Variants in OR9Q1 observed in about 807,000 individuals in gnomAD.
The protein encoded by OR9Q1 is olfactory receptor 9Q1.
For synonymous variants in OR9Q1, 153 were observed against 148.6 expected (o/e 1.03, Z -0.22); for missense variants, 374 against 378.8 (o/e 0.99, Z 0.11).
intron 2 of OR9Q1, chr11:58,118,673 T>A (rs144935447): frequency 1.2e-6 from 2 of 1,613,978 alleles, no homozygotes; most frequent in Middle Eastern, 1.7e-4. Context: ...TGCAGATACA[T>A]GAAGATAAGG....
At chr11:58,027,754 G>A (rs921133) in intron 1 of OR9Q1, among the ~76,000 whole-genome samples, 44,358 of 151,952 alleles carry the variant, frequency 0.29, 6,881 homozygotes, top group East Asian at 0.63. Context: ...AAAAGCCGTC[G>A]GCTGTCCCTC....
chr11:58,031,609 T>C (rs1853039846), intron 1 of OR9Q1: 1 of 1,613,428 alleles, frequency 6.2e-7, no homozygotes, highest in African/African-American at 1.3e-5. Flanking sequence ...TGGTCATTGC[T>C]GTGTCCTATG....
At chr11:58,118,680 A>T in intron 2 of OR9Q1, 1 of 1,614,062 alleles carries the variant, frequency 6.2e-7, no homozygotes, top group South Asian at 1.1e-5. Flanking sequence ...ACATGAAGAT[A>T]AGGGCTCCAA....
chr11:58,109,345 A>G (rs1005849313), intron 2 of OR9Q1: 4 of 459,982 alleles, frequency 8.7e-6, no homozygotes, highest in East Asian at 6.9e-5. Context: ...GCCTGCACAT[A>G]TGGTGAAGAA....
chr11:58,153,229 T>C (rs1854371485), intron 2 of OR9Q1, among the ~76,000 whole-genome samples: 2 of 152,244 alleles, frequency 1.3e-5, no homozygotes, highest in African/African-American at 2.4e-5. Context: ...ATGCTTACTT[T>C]GGAAAAAATT....
At chr11:58,140,746 C>T (rs1437101037) in intron 2 of OR9Q1, among the ~76,000 whole-genome samples, 1 of 152,096 alleles carries the variant, frequency 6.6e-6, no homozygotes, top group Non-Finnish European at 1.5e-5. Context: ...GTTCTTTTGG[C>T]TTAGGATTGA....
chr11:58,055,964 T>A lies in OR9Q1; in HGVS notation c.-15+17T>A, dbSNP rs1228426099. 1.3e-5 allele frequency: 2 copies of A among 152,426 alleles called. No homozygotes were observed. Among genetic ancestry groups the A allele is most frequent in the Non-Finnish European group, 2.9e-5 (2 of 68,246 alleles). The allele number at this position is 152,426 out of a possible 1,614,324, so 9.4% of individuals were successfully genotyped here. A position where few individuals can be genotyped will look rare whatever the true frequency, so the allele number is the denominator to read the frequency against. On this transcript the variant is annotated intron_variant, in intron 2 of 2. Transcript: ENST00000335397. The stretch of plus-strand genomic sequence containing the variant: ...TCCTGAACTGTAAGCAATATATTTC[T>A]ATTATTTATAAGTTACCCAGTCTGT...
At chr11:58,084,717 A>G (rs984940978) in intron 2 of OR9Q1, among the ~76,000 whole-genome samples, 5 of 151,930 alleles carry the variant, frequency 3.3e-5, no homozygotes, top group Admixed American at 6.6e-5. Context: ...TAGATGCAGA[A>G]AAAGCTTTCT....
At chr11:58,095,857 T>C (rs1344370065) in intron 2 of OR9Q1, among the ~76,000 whole-genome samples, 1 of 152,162 alleles carries the variant, frequency 6.6e-6, no homozygotes, top group East Asian at 1.9e-4. Context: ...AGATAAGATA[T>C]GATTGATTTG....
intron 2 of OR9Q1, among the ~76,000 whole-genome samples, chr11:58,175,269 A>G (rs1245743742): frequency 6.6e-6 from 1 of 152,144 alleles, no homozygotes; most frequent in Non-Finnish European, 1.5e-5. Flanking sequence ...AAAGCAGTGG[A>G]GTCAGATGGT....
chr11:58,084,037 A>G (rs1189450985), intron 2 of OR9Q1, among the ~76,000 whole-genome samples: 1 of 151,888 alleles, frequency 6.6e-6, no homozygotes, highest in Non-Finnish European at 1.5e-5. Context: ...GGATCTGTAG[A>G]TCGCTTTGGG....
chr11:58,068,182 C>CA (rs3035014), intron 2 of OR9Q1, among the ~76,000 whole-genome samples: 119 of 145,852 alleles, frequency 8.2e-4, no homozygotes, highest in African/African-American at 2.9e-3. Context: ...TACAAAAATA[C>CA]AAAAAAAAAA....
Position 58,180,386 on chromosome 11 carries a change from A to C in OR9Q1, c.*9A>C, listed in dbSNP as rs201253163. On this transcript the variant is annotated 3_prime_UTR_variant, in exon 3 of 3. Transcript: ENST00000335397. Reference sequence around the variant, plus strand: ...GAGCCAAGTTGTCCTAACCATCTCCAAACTTGGAAAATCCCGAGAACCACC... The same window carrying C: ...GAGCCAAGTTGTCCTAACCATCTCCCAACTTGGAAAATCCCGAGAACCACC... 2.3e-4 allele frequency: 349 copies of C among 1,538,144 alleles called. 2 individuals carry two copies. In the African/African-American group the frequency reaches 4.0e-3, roughly 18 times the overall value.
At chr11:58,135,984 A>C (rs1035569670) in intron 2 of OR9Q1, among the ~76,000 whole-genome samples, 1 of 152,208 alleles carries the variant, frequency 6.6e-6, no homozygotes, top group Non-Finnish European at 1.5e-5. Flanking sequence ...TCGCTGCCTG[A>C]AGACGACAGA....
chr11:58,084,112 T>C (rs1222409951), intron 2 of OR9Q1, among the ~76,000 whole-genome samples: 1 of 151,954 alleles, frequency 6.6e-6, no homozygotes, highest in Non-Finnish European at 1.5e-5. Flanking sequence ...TTTCCATTTA[T>C]TTGTGTCATC....
intron 2 of OR9Q1, chr11:58,109,368 A>T (rs1453602646): frequency 2.2e-6 from 1 of 458,956 alleles, no homozygotes; most frequent in Non-Finnish European, 4.4e-6. Context: ...AGAACTGCAC[A>T]GCACGGCAGC....
rs540892102 is a variant in OR9Q1 at position 58,094,275 on chromosome 11, C to T, written c.-15+38328C>T. 2.6e-5 allele frequency among the ~76,000 whole-genome samples: 4 copies of T among 152,200 alleles called. No homozygotes were observed. The South Asian group carries it at 6.2e-4, about 24-fold the overall frequency. On this transcript the variant is annotated intron_variant, in intron 2 of 2. Transcript: ENST00000335397. ...TAGACATAGACTGTGGAATGATAGACATTGAGGACTTGGAAGGGTGGGTGT... is the reference window on the plus strand; with the variant it reads ...TAGACATAGACTGTGGAATGATAGATATTGAGGACTTGGAAGGGTGGGTGT...
intron 2 of OR9Q1, among the ~76,000 whole-genome samples, chr11:58,081,793 C>CTTTTTTTTTTTTTTTTTTTTTTTTT (rs201892501): frequency 2.3e-5 from 3 of 128,154 alleles, no homozygotes; most frequent in Non-Finnish European, 4.9e-5. Context: ...ATGATAGTTT[C>CTTTTTTTTTTTTTTTTTTTTTTTTT]TTTTTTTTTT....
At chr11:58,112,295 AG>A (rs138848211) in intron 2 of OR9Q1, among the ~76,000 whole-genome samples, 36,325 of 125,230 alleles carry the variant, frequency 0.29, 4,730 homozygotes, top group East Asian at 0.55. Context: ...TTCGTCTCAA[AG>A]AAAAAAAAAA....
Sources: gnomAD v4.1 joint callset for allele counts (sites outside exome capture counted in the v4.1 genomes callset) on GRCh38, gnomAD v4.1.1 for gene constraint, MANE v1.5 for transcripts, NCBI Gene and HGNC (gene_info 2026-07-23, HGNC 2026-07-21) for gene names.